The following KANSL2 variants were observed in gnomAD, a reference collection of about 807,000 sequenced individuals.
The protein encoded by KANSL2 is KAT8 regulatory NSL complex subunit 2, also known as NSL complex protein NSL2.
A neutral mutation model predicts 55.6 loss-of-function variants in KANSL2; 34 were observed. The ratio of observed to expected loss-of-function variants is 0.61; its 90% confidence interval spans 0.46 to 0.81. KANSL2 has a LOEUF of 0.81. KANSL2 is among the 40% of genes least tolerant of loss of function. The pLI, the probability that KANSL2 is intolerant of heterozygous loss-of-function variation, is 0.00. For synonymous variants in KANSL2, 209 were observed against 214.3 expected (o/e 0.98, Z 0.22); for missense variants, 502 against 609.9 (o/e 0.82, Z 1.86).
Position 48,659,999 on chromosome 12 carries a change from T to C in KANSL2, c.1227+367A>G, listed in dbSNP as rs111908624. Among the ~76,000 whole-genome samples the C allele has an allele frequency of 2.8e-3, 419 of 152,152 alleles. 2 individuals carry two copies. The highest frequency in any genetic ancestry group is 9.4e-3 in the African/African-American group (391 of 41,506). ...GCCAGGGGCTGAGGGGAGAAGAAAA[T>C]GAAGAGTGTCATAATAGGTACTGAG... On this transcript the variant is annotated intron_variant, in intron 8 of 9. Coordinates refer to ENST00000420613, the MANE Select transcript of KANSL2 (RefSeq NM_017822.4).
At chr12:48,660,131 A>C (rs970234404) in intron 8 of KANSL2, among the ~76,000 whole-genome samples, 1 of 152,192 alleles carries the variant, frequency 6.6e-6, no homozygotes, top group Admixed American at 6.5e-5. Context: ...CAAAGAGTGC[A>C]ATTTATAGTA....
At position 48,671,857 on chromosome 12, in the gene KANSL2, C is replaced by T; in HGVS notation, c.651G>A (p.Leu217=). The T allele has an allele frequency of 6.2e-7, 1 of 1,613,498 alleles. No individual in the cohort carries two copies. Among genetic ancestry groups the T allele is most frequent in the East Asian group, 2.2e-5 (1 of 44,870 alleles). The change falls in exon 5 of 10, where the codon CTG becomes CTA. Residue 217 remains leucine (L), a synonymous_variant. Coordinates refer to ENST00000420613, the MANE Select transcript of KANSL2 (RefSeq NM_017822.4). ...YIDQFKRLQH[L]LKEKKRRYLH... Reference sequence around the variant, plus strand: ...AGTATCGGCGCTTCTTCTCCTTGAGCAGATGCTGAAGTCGTTTAAACTGAT... The same window carrying T: ...AGTATCGGCGCTTCTTCTCCTTGAGTAGATGCTGAAGTCGTTTAAACTGAT...
chr12:48,676,765 A>G (rs950866012), intron 4 of KANSL2, among the ~76,000 whole-genome samples: 2 of 152,178 alleles, frequency 1.3e-5, no homozygotes, highest in African/African-American at 4.8e-5. Context: ...GAGGGAAATC[A>G]TATATATACT....
intron 8 of KANSL2, among the ~76,000 whole-genome samples, chr12:48,660,077 C>T (rs1234284188): frequency 6.6e-6 from 1 of 151,924 alleles, no homozygotes; most frequent in Non-Finnish European, 1.5e-5. Flanking sequence ...GTGGTAGTTG[C>T]GTAACTTTGC....
chr12:48,654,126 T>C lies in KANSL2; in HGVS notation c.1397A>G (p.Asn466Ser). 1 of 1,613,350 alleles carries C rather than the reference T, an allele frequency of 6.2e-7. No individual in the cohort carries two copies. Among genetic ancestry groups the C allele is most frequent in the Non-Finnish European group, 8.5e-7 (1 of 1,179,608 alleles). Residue 466 changes from asparagine to serine, a missense_variant, in exon 10 of 10, where the codon AAT (asparagine) becomes AGT (serine). Coordinates refer to ENST00000420613, the MANE Select transcript of KANSL2 (RefSeq NM_017822.4). ...CAATGGTGCAGAGGCTTTCTCAGAA[T>C]TTCGAGATCCCTGGGATCTGCACCC... ...GDGCRSQGSR[N>S]SEKASAPLSQ... is the part of the protein sequence containing the mutation.
chr12:48,681,287 C>T lies in KANSL2; in HGVS notation c.251+95G>A, dbSNP rs1188825025. The stretch of plus-strand genomic sequence containing the variant: ...AACCATAACCCCAAATTTACAAGGA[C>T]AAAATCTCAAACGCGGCAGCTATGC... On this transcript the variant is annotated intron_variant, in intron 2 of 9. Coordinates refer to ENST00000420613, the MANE Select transcript of KANSL2 (RefSeq NM_017822.4). 8 of 1,427,952 alleles carry T rather than the reference C, an allele frequency of 5.6e-6. No homozygotes were observed. The South Asian group carries it at 1.1e-4, about 20-fold the overall frequency. The allele number at this position is 1,427,952 out of a possible 1,614,324, so 88.5% of individuals were successfully genotyped here.
chr12:48,663,717 A>G (rs1375732417), intron 7 of KANSL2, among the ~76,000 whole-genome samples: 1 of 152,176 alleles, frequency 6.6e-6, no homozygotes, highest in African/African-American at 2.4e-5. Context: ...AACATATAAA[A>G]TATGTGTTAG....
chr12:48,657,011 TTGTTGGTGTG>T (rs1470159603), intron 8 of KANSL2, among the ~76,000 whole-genome samples: 1 of 152,220 alleles, frequency 6.6e-6, no homozygotes, highest in African/African-American at 2.4e-5. Context: ...CCTTTCCCAT[TTGTTGGTGTG>T]CTAATCACCA....
At chr12:48,664,910 AG>A (rs1939565409) in intron 7 of KANSL2, among the ~76,000 whole-genome samples, 1 of 124,378 alleles carries the variant, frequency 8.0e-6, no homozygotes, top group African/African-American at 3.0e-5. Flanking sequence ...TTTTAGAGAC[AG>A]GGTTTTCCTC....
At chr12:48,672,366 TGTATATATAC>T (rs1237774999) in intron 4 of KANSL2, among the ~76,000 whole-genome samples, 43 of 141,656 alleles carry the variant, frequency 3.0e-4, no homozygotes, top group African/African-American at 1.0e-3. Context: ...CATATATACA[TGTATATATAC>T]GTATATATAT....
intron 5 of KANSL2, among the ~76,000 whole-genome samples, chr12:48,671,274 T>A (rs200396002): frequency 5.6e-5 from 8 of 142,254 alleles, no homozygotes; most frequent in South Asian, 2.2e-4. Context: ...CCGTCTCAAT[T>A]AAAAAAAAAA....
intron 7 of KANSL2, among the ~76,000 whole-genome samples, chr12:48,666,129 G>GT (rs907512735): frequency 3.3e-5 from 5 of 152,138 alleles, no homozygotes; most frequent in African/African-American, 1.2e-4. Flanking sequence ...TGGGAAGATC[G>GT]TTTAAGCCCA....
chr12:48,660,273 T>C (rs554101016), intron 8 of KANSL2, 93 bp downstream of exon 8: 2 of 1,375,006 alleles, frequency 1.5e-6, no homozygotes, highest in Admixed American at 2.3e-5. Flanking sequence ...ACTTTGTCGA[T>C]TCTCCTAACC....
intron 7 of KANSL2, among the ~76,000 whole-genome samples, chr12:48,663,912 CCT>C (rs1491425513): frequency 1.5e-4 from 20 of 135,152 alleles, no homozygotes; most frequent in African/African-American, 5.6e-4. Context: ...TAACTATTAG[CCT>C]TTTTTTTTTT....
At chr12:48,672,943 G>A (rs776631577) in intron 4 of KANSL2, among the ~76,000 whole-genome samples, 89 of 152,038 alleles carry the variant, frequency 5.9e-4, no homozygotes, top group Non-Finnish European at 1.1e-3. Flanking sequence ...ATTTTCAGTA[G>A]AGATGGGGTT....
At chr12:48,666,735 G>C (rs1038541953) in intron 7 of KANSL2, among the ~76,000 whole-genome samples, 1 of 151,614 alleles carries the variant, frequency 6.6e-6, no homozygotes, top group Non-Finnish European at 1.5e-5. Context: ...TAATTAGCCA[G>C]GCATGGTGGC....
intron 4 of KANSL2, among the ~76,000 whole-genome samples, chr12:48,672,409 G>GTGTA (rs1555155434): frequency 5.7e-5 from 7 of 123,376 alleles, no homozygotes; most frequent in Admixed American, 9.0e-5. Context: ...ATATATATAC[G>GTGTA]TATATATATA....
intron 4 of KANSL2, 143 bp downstream of exon 4, chr12:48,678,893 T>G: frequency 1.8e-6 from 1 of 571,026 alleles, no homozygotes; most frequent in South Asian, 2.3e-5. Flanking sequence ...CAATGAACCA[T>G]GCCACTTTTA....
intron 5 of KANSL2, among the ~76,000 whole-genome samples, chr12:48,669,804 C>T (rs1939675335): frequency 6.6e-6 from 1 of 152,084 alleles, no homozygotes. Flanking sequence ...CCACCGCACC[C>T]GGCCAAAGCT....
Sources: allele counts gnomAD v4.1 joint callset (sites outside exome capture counted in the v4.1 genomes callset), GRCh38; gene constraint gnomAD v4.1.1; transcripts MANE v1.5; gene names NCBI Gene and HGNC (gene_info 2026-07-23, HGNC 2026-07-21).